Variants in PGAP4 observed in about 807,000 individuals in gnomAD.
PGAP4 encodes GPI-N-acetylgalactosamine transferase PGAP4.
A neutral mutation model predicts 28.2 loss-of-function variants in PGAP4; 12 were observed. The observed-to-expected ratio is 0.42, with a 90% confidence interval of 0.27 to 0.69. The LOEUF is 0.69. Ranked by LOEUF, PGAP4 falls within the 30% of genes least tolerant of loss-of-function variation. PGAP4 has a pLI of 0.22. For missense variants in PGAP4, 425 were observed against 513.5 expected, an observed-to-expected ratio of 0.83 and a Z score of 1.67; for synonymous variants, 205 against 211.8, an observed-to-expected ratio of 0.97 and a Z score of 0.28.
At chr9:101,487,244 A>G (rs538116394), upstream of PGAP4, 2 of 152,392 alleles carry the variant, frequency 1.3e-5, no homozygotes, top group South Asian at 4.1e-4. Flanking sequence ...GCCAGGGAAA[A>G]GCAGGAGTCG....
intron 2 of PGAP4, among the ~76,000 whole-genome samples, chr9:101,509,997 C>A (rs1826881550): frequency 6.6e-6 from 1 of 152,182 alleles, no homozygotes; most frequent in Admixed American, 6.5e-5. Flanking sequence ...ATAACACATC[C>A]TCATGCACAT....
intron 1 of PGAP4, among the ~76,000 whole-genome samples, chr9:101,478,947 T>C (rs1826404049): frequency 6.6e-6 from 1 of 152,200 alleles, no homozygotes; most frequent in African/African-American, 2.4e-5. Context: ...ATACCAAATG[T>C]ACAGTGACAT....
intron 2 of PGAP4, among the ~76,000 whole-genome samples, chr9:101,512,449 T>G (rs1164374898): frequency 6.6e-6 from 1 of 152,210 alleles, no homozygotes; most frequent in Non-Finnish European, 1.5e-5. Context: ...TCCTTGTTCT[T>G]GCTCAAGCTA....
intron 2 of PGAP4, among the ~76,000 whole-genome samples, chr9:101,506,936 T>C (rs1826853153): frequency 1.3e-5 from 2 of 152,118 alleles, no homozygotes; most frequent in Non-Finnish European, 2.9e-5. Flanking sequence ...ACAGGATAGT[T>C]ATTTCCCATT....
chr9:101,494,416 T>G (rs1013876319), intron 2 of PGAP4, among the ~76,000 whole-genome samples: 3 of 151,874 alleles, frequency 2.0e-5, no homozygotes, highest in Non-Finnish European at 4.4e-5. Flanking sequence ...TACAGATAGG[T>G]TATGAGAGAA....
At chr9:101,489,803 T>C (rs1000553546), upstream of PGAP4, among the ~76,000 whole-genome samples, 1 of 152,202 alleles carries the variant, frequency 6.6e-6, no homozygotes, top group Admixed American at 6.5e-5. Flanking sequence ...TAAAGTCTTC[T>C]TACTCTGAAC....
At chr9:101,509,158 G>A (rs1036675077) in intron 2 of PGAP4, among the ~76,000 whole-genome samples, 1 of 152,186 alleles carries the variant, frequency 6.6e-6, no homozygotes, top group African/African-American at 2.4e-5. Flanking sequence ...GTCTTTTGTG[G>A]TTGGGAAGTA....
At chr9:101,477,215 C>A in intron 1 of PGAP4, 46 bp from the exon 2 acceptor site, 1 of 1,295,420 alleles carries the variant, frequency 7.7e-7, no homozygotes, top group Non-Finnish European at 1.0e-6. Context: ...CTTAAAAAAA[C>A]AAACAAACAA....
At chr9:101,499,599 G>T (rs1227292155) in intron 2 of PGAP4, among the ~76,000 whole-genome samples, 1 of 152,040 alleles carries the variant, frequency 6.6e-6, no homozygotes, top group Non-Finnish European at 1.5e-5. Context: ...ACCATTTTGA[G>T]GTTGGACAGG....
chr9:101,495,455 A>G lies in PGAP4; in HGVS notation c.-164-6255T>C, dbSNP rs151174339. ...ATTTTATATATAATATATATTATAT[A>G]TACTTATATTTTATATATAATATAT... On this transcript the variant is annotated intron_variant, in intron 2 of 3. Transcript: ENST00000374851. Among the ~76,000 whole-genome samples the G allele has an allele frequency of 6.9e-3, 828 of 120,436 alleles. 22 individuals carry two copies. The highest frequency in any genetic ancestry group is 0.014 in the Admixed American group (135 of 9,596). The allele number at this position is 120,436 out of a possible 152,430, so 79.0% of individuals were successfully genotyped here.
intron 2 of PGAP4, among the ~76,000 whole-genome samples, chr9:101,520,951 CT>C (rs1345560070): frequency 6.6e-6 from 1 of 152,034 alleles, no homozygotes; most frequent in East Asian, 1.9e-4. Flanking sequence ...TTGTTGAATA[CT>C]TTTTTTGCAT....
At chr9:101,505,343 A>G (rs377322727) in intron 2 of PGAP4, among the ~76,000 whole-genome samples, 7 of 152,238 alleles carry the variant, frequency 4.6e-5, no homozygotes, top group African/African-American at 1.7e-4. Flanking sequence ...ACAGAATTGG[A>G]TGCATATTTT....
At chr9:101,483,377 TA>T (rs1317750185) in intron 1 of PGAP4, among the ~76,000 whole-genome samples, 2 of 152,172 alleles carry the variant, frequency 1.3e-5, no homozygotes. Flanking sequence ...TCGATCCTCA[TA>T]AAAAGCCTCC....
upstream of PGAP4, among the ~76,000 whole-genome samples, chr9:101,488,530 T>G (rs1826655168): frequency 6.6e-6 from 1 of 152,172 alleles, no homozygotes; most frequent in African/African-American, 2.4e-5. Context: ...GTTGAGAGGT[T>G]TACATGAGAT....
intron 2 of PGAP4, among the ~76,000 whole-genome samples, chr9:101,500,813 A>G (rs1475908192): frequency 6.6e-6 from 1 of 152,040 alleles, no homozygotes; most frequent in Non-Finnish European, 1.5e-5. Context: ...GAAGATCTAG[A>G]TCCCCTTCTT....
chr9:101,516,628 A>G (rs896989538), intron 2 of PGAP4, among the ~76,000 whole-genome samples: 3 of 152,130 alleles, frequency 2.0e-5, no homozygotes, highest in Non-Finnish European at 4.4e-5. Flanking sequence ...TATTTTTTGT[A>G]TTTATCAGAC....
chr9:101,497,960 C>T (rs1057283598), intron 2 of PGAP4, among the ~76,000 whole-genome samples: 5 of 151,734 alleles, frequency 3.3e-5, no homozygotes, highest in Non-Finnish European at 5.9e-5. Flanking sequence ...GTAATGTAAA[C>T]TCATCAGTTT....
At chr9:101,514,262 G>T (rs1465173045) in intron 2 of PGAP4, among the ~76,000 whole-genome samples, 2 of 152,072 alleles carry the variant, frequency 1.3e-5, no homozygotes, top group Non-Finnish European at 2.9e-5. Flanking sequence ...GCAATGATTG[G>T]AATCTACATT....
At chr9:101,494,233 G>A (rs1426181553) in intron 2 of PGAP4, among the ~76,000 whole-genome samples, 1 of 151,734 alleles carries the variant, frequency 6.6e-6, no homozygotes, top group African/African-American at 2.4e-5. Flanking sequence ...TATAACCAAA[G>A]TTTTAAAGCA....
Sources: gnomAD v4.1 joint callset for allele counts (sites outside exome capture counted in the v4.1 genomes callset) on GRCh38, gnomAD v4.1.1 for gene constraint, MANE v1.5 for transcripts, NCBI Gene and HGNC (gene_info 2026-07-23, HGNC 2026-07-21) for gene names.